TPR: variants seen among roughly 807,000 people sequenced by gnomAD.
The protein encoded by TPR is translocated promoter region, nuclear basket protein.
Under a neutral mutation model 316.1 loss-of-function variants are expected in TPR, and 51 were observed. The observed-to-expected ratio is 0.16, with a 90% confidence interval of 0.13 to 0.20. TPR has a LOEUF of 0.20. TPR is among the 10% of genes least tolerant of loss of function. The pLI is 1.00. For missense variants in TPR, 2,272 were observed against 2,754.8 expected (o/e 0.82, Z 3.92); for synonymous variants, 981 against 914.7 (o/e 1.07, Z -1.31).
At chr1:186,326,039 G>A in intron 41 of TPR, 65 bp downstream of exon 41, 3 of 1,602,864 alleles carry the variant, frequency 1.9e-6, no homozygotes, top group Non-Finnish European at 2.6e-6. Flanking sequence ...TATATCCTTG[G>A]AAAACAGCAA....
Position 186,355,405 on chromosome 1 carries a change from C to CT in TPR, c.2171+4dup, listed in dbSNP as rs1216353756. 55 of 1,604,494 alleles carry CT rather than the reference C, an allele frequency of 3.4e-5. No homozygotes were observed. Among genetic ancestry groups the CT allele is most frequent in the Non-Finnish European group, 4.4e-5 (52 of 1,177,840 alleles). ...TTAATTAATTTGAAACAAAAGAAAA[C>CT]TTACCGTTTAGAAGCAAAATCTAGC... On this transcript the variant is annotated splice_donor_region_variant and intron_variant, in intron 17 of 50. Coordinates refer to ENST00000367478, the MANE Select transcript of TPR (RefSeq NM_003292.3).
At chr1:186,364,507 G>C (rs1298632892) in intron 4 of TPR, among the ~76,000 whole-genome samples, 1 of 152,162 alleles carries the variant, frequency 6.6e-6, no homozygotes, top group Admixed American at 6.5e-5. Context: ...AGCTTTTATG[G>C]GGTGCAGGAT....
At position 186,360,891 on chromosome 1, in the gene TPR, G is replaced by T. The variant is rs563755879; in HGVS notation, c.973C>A (p.Gln325Lys). 4.3e-6 allele frequency: 7 copies of T among 1,609,678 alleles called. No individual in the cohort carries two copies. In the Admixed American group the frequency reaches 1.2e-4, roughly 27 times the overall value. The change falls in exon 10 of 51, where the codon CAA becomes AAA. Residue 325 changes from glutamine to lysine, a missense_variant. Around this residue, in one of 10 missense-constraint regions of TPR, gnomAD observed 549 missense variants for 598.6 expected, o/e 0.92. Coordinates refer to ENST00000367478, the MANE Select transcript of TPR (RefSeq NM_003292.3). Reference protein sequence around the residue: ...KEAGEANKAIQDHLLEVEQSK... With the variant: ...KEAGEANKAIKDHLLEVEQSK... The stretch of plus-strand genomic sequence containing the variant: ...TGCTCCACCTCTAGAAGATGATCTT[G>T]TATTGCTTTGTTGGCTAAAAAACAA...
intron 17 of TPR, among the ~76,000 whole-genome samples, 173 bp downstream of exon 17, chr1:186,355,237 T>C (rs1658988609): frequency 6.6e-6 from 1 of 152,114 alleles, no homozygotes. Flanking sequence ...CCCTTAGCAC[T>C]GCCTAGAGAA....
chr1:186,370,478 A>AT (rs1358292703), intron 3 of TPR, among the ~76,000 whole-genome samples: 2 of 151,574 alleles, frequency 1.3e-5, no homozygotes, highest in African/African-American at 4.8e-5. Flanking sequence ...CTGGAAGTAA[A>AT]TTTTTTTTTC....
At chr1:186,316,115 T>C (rs1657604979) in intron 49 of TPR, among the ~76,000 whole-genome samples, 1 of 151,974 alleles carries the variant, frequency 6.6e-6, no homozygotes, top group Non-Finnish European at 1.5e-5. Context: ...CAAGCTCTGA[T>C]AAGATATAAC....
At position 186,326,992 on chromosome 1, in the gene TPR, TATATA is replaced by T. The variant is rs1232453832; in HGVS notation, c.5889+463_5889+467del. On this transcript the variant is annotated intron_variant, in intron 40 of 50. Transcript: ENST00000367478. ...AAAACAATATATATAATCTATTTAA[TATATA>T]ATATATTAAATATATAATATATATA... 3.7e-4 allele frequency among the ~76,000 whole-genome samples: 39 copies of T among 104,178 alleles called. 1 individual carries two copies. The highest frequency in any genetic ancestry group is 1.0e-3 in the African/African-American group (27 of 26,386). 68.3% of individuals were successfully genotyped at this position (104,178 alleles called of 152,430 possible). A position where few individuals can be genotyped will look rare whatever the true frequency, so the allele number is the denominator to read the frequency against.
intron 45 of TPR, 41 bp from the exon 46 acceptor site, chr1:186,320,459 A>AGG: frequency 6.6e-7 from 1 of 1,521,200 alleles, no homozygotes; most frequent in Non-Finnish European, 8.9e-7. Flanking sequence ...ATTTAAAGTT[A>AGG]ACCTATTTAA....
At chr1:186,325,594 T>A in intron 42 of TPR, 170 bp downstream of exon 42, 1 of 520,586 alleles carries the variant, frequency 1.9e-6, no homozygotes, top group Admixed American at 3.4e-5. Flanking sequence ...CACCTAACAA[T>A]CATAAATATA....
Position 186,336,782 on chromosome 1 carries a change from A to T in TPR, c.4507-88T>A. 2.1e-6 allele frequency: 3 copies of T among 1,422,726 alleles called. No individual in the cohort carries two copies. In the Admixed American group the frequency reaches 6.8e-5, roughly 32 times the overall value. The allele number at this position is 1,422,726 out of a possible 1,614,324, so 88.1% of individuals were successfully genotyped here. On this transcript the variant is annotated intron_variant, in intron 32 of 50. Coordinates refer to ENST00000367478, the MANE Select transcript of TPR (RefSeq NM_003292.3). ...TAGCAACTTAAAGTATAACTTATTA[A>T]TTTGCTTTTTAAAAGATTAAATGGA...
intron 49 of TPR, among the ~76,000 whole-genome samples, chr1:186,315,370 T>A (rs1298585033): frequency 2.6e-5 from 4 of 151,912 alleles, no homozygotes; most frequent in Non-Finnish European, 5.9e-5. Flanking sequence ...AAACAAAATA[T>A]CAAGTCCCTC....
At chr1:186,327,163 A>ATATATATAAATATATATAAATATAT (rs1443385559) in intron 40 of TPR, among the ~76,000 whole-genome samples, 4 of 510 alleles carry the variant, frequency 7.8e-3, no homozygotes, top group Admixed American at 0.034. Context: ...ATAAATATAT[A>ATATATATAAATATATATAAATATAT]ACATATATAT....
intron 38 of TPR, 118 bp from the exon 39 acceptor site, chr1:186,331,699 G>C (rs1403184060): frequency 3.7e-6 from 2 of 534,296 alleles, no homozygotes; most frequent in African/African-American, 3.9e-5. Flanking sequence ...TGAAACTATA[G>C]AAAAATAAAA....
In TPR at chr1:186,335,532, G is replaced by C. The variant is rs1459540321; in HGVS notation, c.4717C>G (p.Gln1573Glu). The C allele has an allele frequency of 6.2e-7, 1 of 1,600,870 alleles. No homozygotes were observed. Among genetic ancestry groups the C allele is most frequent in the African/African-American group, 1.3e-5 (1 of 74,112 alleles). Reference sequence around the variant, plus strand: ...AGCTCCTCATTTTCTTTAGTTAGCTGATCTTTTACACCTAAAGAAGTAACC... The same window carrying C: ...AGCTCCTCATTTTCTTTAGTTAGCTCATCTTTTACACCTAAAGAAGTAACC... Reference protein sequence around the residue: ...KIAHLAGVKDQLTKENEELKQ... With the variant: ...KIAHLAGVKDELTKENEELKQ... The change falls in exon 34 of 51, where the codon CAG becomes GAG. Residue 1573 changes from glutamine (Q) to glutamate (E), a missense_variant. Coordinates refer to ENST00000367478, the MANE Select transcript of TPR (RefSeq NM_003292.3).
intron 19 of TPR, 44 bp from the exon 20 acceptor site, chr1:186,351,514 A>G: frequency 6.7e-7 from 1 of 1,496,708 alleles, no homozygotes; most frequent in Non-Finnish European, 8.9e-7. Flanking sequence ...AGAAAAAGGC[A>G]ATACAAAAAA....
chr1:186,334,048 T>C (rs887945768), intron 36 of TPR, among the ~76,000 whole-genome samples: 4 of 152,052 alleles, frequency 2.6e-5, no homozygotes, highest in East Asian at 1.9e-4. Flanking sequence ...TGGGAAAAAA[T>C]TGAAGAAAGC....
chr1:186,321,305 T>G (rs142877213), intron 45 of TPR, among the ~76,000 whole-genome samples: 160 of 152,316 alleles, frequency 1.1e-3, no homozygotes, highest in African/African-American at 3.8e-3. Context: ...CCCAAGTTTG[T>G]AGAAATTTTT....
chr1:186,329,977 C>A (rs1658111472), intron 39 of TPR, among the ~76,000 whole-genome samples: 1 of 152,082 alleles, frequency 6.6e-6, no homozygotes, highest in African/African-American at 2.4e-5. Context: ...ACTACTTTAT[C>A]TGGGTATCAG....
chr1:186,316,282 C>T (rs1657610152), intron 49 of TPR, among the ~76,000 whole-genome samples: 1 of 151,928 alleles, frequency 6.6e-6, no homozygotes, highest in Non-Finnish European at 1.5e-5. Context: ...ATTTTAAATC[C>T]TGATTGCAAG....
Sources: gnomAD v4.1 joint callset for allele counts (sites outside exome capture counted in the v4.1 genomes callset) on GRCh38, gnomAD v4.1.1 for gene constraint, gnomAD v4.1.1 regional missense constraint, MANE v1.5 for transcripts, NCBI Gene and HGNC (gene_info 2026-07-23, HGNC 2026-07-21) for gene names.